Variants in DPP10 observed in about 807,000 individuals in gnomAD.
DPP10 encodes the protein dipeptidyl peptidase like 10.
Under a neutral mutation model 120.9 loss-of-function variants are expected in DPP10, and 33 were observed. That is an observed-to-expected ratio of 0.27 (90% CI 0.21 to 0.37). The LOEUF (loss-of-function observed/expected upper bound fraction) is 0.37. Ranked by LOEUF, DPP10 falls within the 10% of genes least tolerant of loss-of-function variation. DPP10 has a pLI of 1.00. For synonymous variants in DPP10, 337 were observed against 326.1 expected (o/e 1.03, Z -0.36); for missense variants, 816 against 942.8 (o/e 0.87, Z 1.76).
intron 2 of DPP10, among the ~76,000 whole-genome samples, chr2:115,315,650 A>G (rs1476903068): frequency 1.3e-5 from 2 of 152,146 alleles, no homozygotes; most frequent in African/African-American, 2.4e-5. Flanking sequence ...ATCGGCATCA[A>G]TCAAGATGCA....
intron 1 of DPP10, among the ~76,000 whole-genome samples, chr2:114,701,276 C>A (rs1573998056): frequency 6.6e-6 from 1 of 152,004 alleles, no homozygotes; most frequent in Non-Finnish European, 1.5e-5. Context: ...TTACAAAAAT[C>A]TCAGGAGATG....
At chr2:115,401,469 ATTAC>A (rs1404767472) in intron 3 of DPP10, among the ~76,000 whole-genome samples, 1 of 152,030 alleles carries the variant, frequency 6.6e-6, no homozygotes, top group East Asian at 1.9e-4. Flanking sequence ...TGTAGTCCTA[ATTAC>A]TTGGGAGGTT....
At chr2:115,436,031 T>C (rs965681056) in intron 3 of DPP10, among the ~76,000 whole-genome samples, 2 of 151,904 alleles carry the variant, frequency 1.3e-5, no homozygotes, top group African/African-American at 4.8e-5. Context: ...TTTGGACAGA[T>C]GTTATTGGGA....
chr2:115,145,509 T>C (rs2051174784), intron 1 of DPP10, among the ~76,000 whole-genome samples: 1 of 152,218 alleles, frequency 6.6e-6, no homozygotes, highest in South Asian at 2.1e-4. Flanking sequence ...TAAATAATAT[T>C]TCGTTGTATG....
At chr2:114,842,710 A>G (rs1688254445) in intron 1 of DPP10, among the ~76,000 whole-genome samples, 1 of 152,178 alleles carries the variant, frequency 6.6e-6, no homozygotes, top group Admixed American at 6.6e-5. Context: ...TTATTCACTG[A>G]AAGAATCACA....
intron 1 of DPP10, among the ~76,000 whole-genome samples, chr2:115,068,917 G>T (rs1376657727): frequency 1.3e-5 from 2 of 151,990 alleles, no homozygotes; most frequent in African/African-American, 4.8e-5. Flanking sequence ...ATTCCATTGG[G>T]CTGTATGTCT....
intron 1 of DPP10, among the ~76,000 whole-genome samples, chr2:115,007,310 C>G (rs1237867250): frequency 6.6e-6 from 1 of 152,092 alleles, no homozygotes; most frequent in Non-Finnish European, 1.5e-5. Flanking sequence ...ATAAACAGAG[C>G]CAAAGACAAA....
chr2:115,609,507 A>G (rs559430222), intron 5 of DPP10, among the ~76,000 whole-genome samples: 9 of 152,260 alleles, frequency 5.9e-5, no homozygotes, highest in African/African-American at 2.2e-4. Flanking sequence ...CCAGATAAAA[A>G]GAAGAGAATC....
At chr2:115,361,514 C>T (rs1378586204) in intron 3 of DPP10, among the ~76,000 whole-genome samples, 1 of 151,980 alleles carries the variant, frequency 6.6e-6, no homozygotes, top group Non-Finnish European at 1.5e-5. Flanking sequence ...GGAAAAACAG[C>T]CCTGTTTCCT....
intron 3 of DPP10, among the ~76,000 whole-genome samples, chr2:115,355,899 T>C (rs1455970472): frequency 6.6e-6 from 1 of 152,208 alleles, no homozygotes; most frequent in African/African-American, 2.4e-5. Flanking sequence ...GTTTCTGTTC[T>C]GTTCCATTGG....
intron 21 of DPP10, among the ~76,000 whole-genome samples, chr2:115,817,619 A>G (rs1050605110): frequency 2.0e-5 from 3 of 152,204 alleles, no homozygotes; most frequent in African/African-American, 7.2e-5. Context: ...TGCTCCTCCA[A>G]CATAACACAA....
chr2:115,023,484 C>CA (rs560897287), intron 1 of DPP10, among the ~76,000 whole-genome samples: 1 of 151,374 alleles, frequency 6.6e-6, no homozygotes, highest in South Asian at 2.1e-4. Flanking sequence ...TGAAAAAAAT[C>CA]AAAAAAATAA....
chr2:115,466,366 A>T, intron 3 of DPP10, among the ~76,000 whole-genome samples: 1 of 152,202 alleles, frequency 6.6e-6, no homozygotes, highest in East Asian at 1.9e-4. Context: ...ACACAATTTG[A>T]GAAATGTTCT....
At chr2:114,891,669 G>A (rs1322073221) in intron 1 of DPP10, among the ~76,000 whole-genome samples, 1 of 152,174 alleles carries the variant, frequency 6.6e-6, no homozygotes. Flanking sequence ...TAATCAGTCA[G>A]AAGCAAACAA....
At chr2:115,788,194 T>A (rs189865417) in intron 17 of DPP10, among the ~76,000 whole-genome samples, 1 of 152,226 alleles carries the variant, frequency 6.6e-6, no homozygotes, top group African/African-American at 2.4e-5. Context: ...TAGAAAGAAA[T>A]TTATGACTCT....
chr2:115,549,509 C>CG (rs1342854436), intron 5 of DPP10, among the ~76,000 whole-genome samples: 1 of 152,132 alleles, frequency 6.6e-6, no homozygotes, highest in Non-Finnish European at 1.5e-5. Flanking sequence ...GTTTCTGTCA[C>CG]TGCACTCTTT....
intron 1 of DPP10, among the ~76,000 whole-genome samples, chr2:114,523,570 T>C (rs1268659144): frequency 6.6e-6 from 1 of 152,160 alleles, no homozygotes; most frequent in African/African-American, 2.4e-5. Flanking sequence ...TTTCAGTGTC[T>C]GAATGCATTT....
intron 1 of DPP10, among the ~76,000 whole-genome samples, chr2:115,242,643 C>T (rs367603847): frequency 2.6e-5 from 4 of 151,194 alleles, no homozygotes; most frequent in African/African-American, 7.3e-5. Flanking sequence ...TAGAGGTGTT[C>T]CCATTTCACC....
At chr2:114,666,726 C>T (rs913271294) in intron 1 of DPP10, among the ~76,000 whole-genome samples, 6 of 151,866 alleles carry the variant, frequency 4.0e-5, no homozygotes, top group Non-Finnish European at 7.4e-5. Context: ...AAACTTGGAC[C>T]CAGAAGGGGC....
Sources: gnomAD v4.1 joint callset for allele counts (sites outside exome capture counted in the v4.1 genomes callset) on GRCh38, gnomAD v4.1.1 for gene constraint, MANE v1.5 for transcripts, NCBI Gene and HGNC (gene_info 2026-07-23, HGNC 2026-07-21) for gene names.